Variants in CD101 observed in about 807,000 individuals in gnomAD.
CD101 encodes the protein immunoglobulin superfamily member 2.
CD101 carries 76 observed loss-of-function variants against 98.2 expected under a neutral mutation model. That is an observed-to-expected ratio of 0.77 (90% CI 0.64 to 0.94). The LOEUF is 0.94. CD101 is among the 40% of genes least tolerant of loss of function. CD101 has a pLI of 0.00. For missense variants in CD101, 1,145 were observed against 1,218.8 expected, an observed-to-expected ratio of 0.94 and a Z score of 0.90; for synonymous variants, 471 against 472.7, an observed-to-expected ratio of 1.00 and a Z score of 0.05.
chr1:117,015,100 C>T (rs939230959), intron 4 of CD101, among the ~76,000 whole-genome samples: 1 of 151,720 alleles, frequency 6.6e-6, no homozygotes, highest in Non-Finnish European at 1.5e-5. Context: ...AAAAATAGTT[C>T]TTTGTATAGG....
At chr1:117,003,289 T>C (rs1329732899) in intron 1 of CD101, among the ~76,000 whole-genome samples, 4 of 152,226 alleles carry the variant, frequency 2.6e-5, no homozygotes, top group African/African-American at 9.6e-5. Context: ...AAGAAAAGAA[T>C]ACAGCATTCA....
At chr1:117,031,484 C>T (rs1165972241) in intron 8 of CD101, among the ~76,000 whole-genome samples, 1 of 152,206 alleles carries the variant, frequency 6.6e-6, no homozygotes, top group Non-Finnish European at 1.5e-5. Flanking sequence ...CTGAATGTCA[C>T]CCAGGTCTGA....
intron 8 of CD101, among the ~76,000 whole-genome samples, chr1:117,028,906 G>A (rs1465237790): frequency 1.3e-5 from 2 of 152,074 alleles, no homozygotes; most frequent in Non-Finnish European, 2.9e-5. Context: ...TCAAGGGGAA[G>A]AGAGAAGACA....
At chr1:117,031,427 A>T (rs139076959) in intron 8 of CD101, among the ~76,000 whole-genome samples, 2 of 152,288 alleles carry the variant, frequency 1.3e-5, no homozygotes, top group African/African-American at 4.8e-5. Flanking sequence ...GCCTCCCATG[A>T]GTAGAAAAGG....
At chr1:117,014,597 A>T (rs189230639) in intron 4 of CD101, among the ~76,000 whole-genome samples, 151 of 152,274 alleles carry the variant, frequency 9.9e-4, no homozygotes, top group African/African-American at 3.5e-3. Flanking sequence ...GTGAAGAAAA[A>T]CAGACATATC....
intron 8 of CD101, among the ~76,000 whole-genome samples, chr1:117,029,676 A>G (rs1654319895): frequency 6.6e-6 from 1 of 152,238 alleles, no homozygotes; most frequent in African/African-American, 2.4e-5. Flanking sequence ...ACTCCTGTTG[A>G]GTACCAGGTC....
rs1345874602 is a variant in CD101, at chr1:117,010,307, A to G, written c.424+77A>G. The G allele has an allele frequency of 2.7e-6, 4 of 1,465,442 alleles. No individual in the cohort carries two copies. The African/African-American group carries it at 5.6e-5, about 21-fold the overall frequency. 90.8% of individuals were successfully genotyped at this position (1,465,442 alleles called of 1,614,324 possible). A position where few individuals can be genotyped will look rare whatever the true frequency, so the allele number is the denominator to read the frequency against. ...CACCATGACAATATCTTGCAATATG[A>G]CATGGCTTTATATTGTTCCATTTTC... On this transcript the variant is annotated intron_variant, in intron 2 of 9. Coordinates refer to ENST00000682167, the MANE Select transcript of CD101 (RefSeq NM_001256106.3). This position sits in a 1 kb window ranked among gnomAD's most constrained non-coding sequence, Gnocchi z 5.2.
chr1:117,018,246 A>G lies in CD101; in HGVS notation c.1703A>G (p.Tyr568Cys). ...FDLSCVVRAG[Y>C]SDLKVPLTVT... ...CTGTCCTGTGTCGTGAGGGCCGGTT[A>G]CTCTGACCTCAAGGTGCCACTCACT... Residue 568 changes from tyrosine (Y) to cysteine (C), a missense_variant, in exon 6 of 10, where the codon TAC (tyrosine) becomes TGC (cysteine). Physicochemically the swap from Tyr to Cys is radical, Grantham distance 194. Transcript: ENST00000682167. This position sits in a 1 kb window ranked among gnomAD's most constrained non-coding sequence, Gnocchi z 4.3. The G allele has an allele frequency of 6.8e-6, 11 of 1,614,102 alleles. No homozygotes were observed. Among genetic ancestry groups the G allele is most frequent in the Non-Finnish European group, 9.3e-6 (11 of 1,180,018 alleles).
chr1:117,025,410 A>G (rs1653844334), intron 7 of CD101, 99 bp from the exon 8 acceptor site: 9 of 1,025,972 alleles, frequency 8.8e-6, no homozygotes, highest in Admixed American at 2.6e-5. Context: ...CTGATGTCTA[A>G]AGAATATAAG....
chr1:117,030,841 T>A (rs1214889027), intron 8 of CD101, among the ~76,000 whole-genome samples: 1 of 152,208 alleles, frequency 6.6e-6, no homozygotes, highest in Non-Finnish European at 1.5e-5. Flanking sequence ...ATCTCACACC[T>A]CTTTTCTTCT....
In CD101 at chr1:117,010,208, CAGTGCAA is replaced by C; in HGVS notation, c.405_411del (p.Ser135ArgfsTer4). 6.2e-7 allele frequency: 1 copy of C among 1,613,386 alleles called. No individual in the cohort carries two copies. The highest frequency in any genetic ancestry group is 8.5e-7 in the Non-Finnish European group (1 of 1,179,488). Reference sequence around the variant, plus strand: ...CTGATGAGAAATACTATGGAAGTTACAGTGCAAAGACTAATCTAATTGGTAAGTTGCT... The same window carrying C: ...CTGATGAGAAATACTATGGAAGTTACAGACTAATCTAATTGGTAAGTTGCT... On this transcript the variant is annotated frameshift_variant, in exon 2 of 10. Coordinates refer to ENST00000682167, the MANE Select transcript of CD101 (RefSeq NM_001256106.3). LOFTEE classifies it high-confidence loss of function. This position sits in a 1 kb window ranked among gnomAD's most constrained non-coding sequence, Gnocchi z 5.2.
At position 117,013,603 on chromosome 1, in the gene CD101, C is replaced by G. The variant is rs766901824; in HGVS notation, c.1039C>G (p.Gln347Glu). Residue 347 changes from glutamine to glutamate, a missense_variant, in exon 4 of 10, where the codon CAA (glutamine) becomes GAA (glutamate). Transcript: ENST00000682167. ...GAATGACTACAAAGAGAGAGCAAGT[C>G]AAGGAGAGCTCCAGGTTTCAAAGTT... The part of the protein sequence containing the change: ...LKNDYKERAS[Q>E]GELQVSKLGP... 2 of 1,614,142 alleles carry G rather than the reference C, an allele frequency of 1.2e-6. No individual in the cohort carries two copies. Among genetic ancestry groups the G allele is most frequent in the Non-Finnish European group, 1.7e-6 (2 of 1,180,026 alleles).
At chr1:117,011,350 T>C (rs190358041) in intron 2 of CD101, among the ~76,000 whole-genome samples, 200 bp from the exon 3 acceptor site, 46 of 152,322 alleles carry the variant, frequency 3.0e-4, no homozygotes, top group African/African-American at 1.1e-3. Flanking sequence ...GCATTTACTT[T>C]GCCCAGTTCC....
Position 117,006,997 on chromosome 1 carries a change from G to C in CD101, c.44-2853G>C, listed in dbSNP as rs781445427. ...ATCTTGCTGAAAAGTGATGGGAAAC[G>C]TTCGAGAAGTGTTGCCTAGCCACCA... On this transcript the variant is annotated intron_variant, in intron 1 of 9. Coordinates refer to ENST00000682167, the MANE Select transcript of CD101 (RefSeq NM_001256106.3). The surrounding 1 kb of genome is among the most constrained non-coding windows in gnomAD (Gnocchi z 4.4). 1.6e-4 allele frequency among the ~76,000 whole-genome samples: 25 copies of C among 152,166 alleles called. No individual in the cohort carries two copies. The highest frequency in any genetic ancestry group is 6.5e-4 in the Admixed American group (10 of 15,288).
At position 117,034,065 on chromosome 1, in the gene CD101, TAGG is replaced by T; in HGVS notation, c.3034_3036del (p.Arg1012del). 1 of 1,613,974 alleles carries T rather than the reference TAGG, an allele frequency of 6.2e-7. No homozygotes were observed. The highest frequency in any genetic ancestry group is 8.5e-7 in the Non-Finnish European group (1 of 1,179,998). ...AAGAGGCTGGAGGTGTGACCACAAATAGGAGGGAAGACGAGGAGGAAGATGAAG... is the reference window on the plus strand; with the variant it reads ...AAGAGGCTGGAGGTGTGACCACAAATAGGGAAGACGAGGAGGAAGATGAAG... On this transcript the variant is annotated inframe_deletion, in exon 9 of 10. Transcript: ENST00000682167.
At position 117,025,705 on chromosome 1, in the gene CD101, A is replaced by T; in HGVS notation, c.2625A>T (p.Glu875Asp). The T allele has an allele frequency of 6.2e-7, 1 of 1,614,188 alleles. No individual in the cohort carries two copies. The highest frequency in any genetic ancestry group is 1.6e-4 in the Middle Eastern group (1 of 6,062). The stretch of plus-strand genomic sequence containing the variant: ...ATGATGGCTTGCTGGAGTATGGGGA[A>T]GAGGGGCTCAGGAGGCACCTGCACT... ...LQHDGLLEYG[E>D]EGLRRHLHCY... Residue 875 changes from glutamate (E) to aspartate (D), a missense_variant, in exon 8 of 10, where the codon GAA becomes GAT. Physicochemically the swap from Glu to Asp is conservative, Grantham distance 45. Transcript: ENST00000682167.
At chr1:117,025,430 G>A (rs1344129093) in intron 7 of CD101, 79 bp from the exon 8 acceptor site, 7 of 1,243,928 alleles carry the variant, frequency 5.6e-6, no homozygotes, top group Middle Eastern at 2.2e-4. Context: ...GATCTTCCCA[G>A]TGAGAACTAG....
At chr1:117,002,357 A>G (rs1355582510) in intron 1 of CD101, among the ~76,000 whole-genome samples, 1 of 152,238 alleles carries the variant, frequency 6.6e-6, no homozygotes, top group Admixed American at 6.5e-5. Context: ...TGGAAGTGGA[A>G]ATTGACTACT....
At chr1:117,013,277 C>G in intron 3 of CD101, 129 bp from the exon 4 acceptor site, 3 of 1,163,152 alleles carry the variant, frequency 2.6e-6, no homozygotes, top group Middle Eastern at 2.4e-4. Context: ...TTACCTACCG[C>G]TATAGAATTG....
Sources: gnomAD v4.1 joint callset for allele counts (sites outside exome capture counted in the v4.1 genomes callset) on GRCh38, gnomAD v4.1.1 for gene constraint, Gnocchi (gnomAD v3.1) non-coding constraint, MANE v1.5 for transcripts, NCBI Gene and HGNC (gene_info 2026-07-23, HGNC 2026-07-21) for gene names.